The following GALNT13 variants were observed in gnomAD, a reference collection of about 807,000 sequenced individuals.
GALNT13 encodes UDP-GalNAc:polypeptide N-acetylgalactosaminyltransferase 13.
A neutral mutation model predicts 64.2 loss-of-function variants in GALNT13; 28 were observed. The ratio of observed to expected loss-of-function variants is 0.44; its 90% CI spans 0.32 to 0.60. The LOEUF (loss-of-function observed/expected upper bound fraction) is 0.60, where lower values mean the gene tolerates loss of function less well. GALNT13 is among the 20% of genes least tolerant of loss of function. The probability of loss-of-function intolerance (pLI) is 0.05; values close to 1 mark genes in which losing one functional copy is unlikely to be tolerated. For synonymous variants in GALNT13, 214 were observed against 224.6 expected, an observed-to-expected ratio of 0.95 and a Z score of 0.42; for missense variants, 577 against 669.8, an observed-to-expected ratio of 0.86 and a Z score of 1.53.
the GALNT13 span, among the ~76,000 whole-genome samples, chr2:153,270,627 G>A: frequency 7.2e-5 from 11 of 152,254 alleles, no homozygotes; most frequent in East Asian, 1.9e-3. Flanking sequence ...ATGTGAGGCC[G>A]AGGTGGGCAG....
At chr2:154,211,065 A>C (rs1687731672) in intron 4 of GALNT13, among the ~76,000 whole-genome samples, 1 of 152,190 alleles carries the variant, frequency 6.6e-6, no homozygotes, top group African/African-American at 2.4e-5. Context: ...AATAGTTCAG[A>C]GTAGAAACTA....
At chr2:153,635,290 T>C in the GALNT13 span, among the ~76,000 whole-genome samples, 1 of 151,658 alleles carries the variant, frequency 6.6e-6, no homozygotes, top group East Asian at 1.9e-4. Flanking sequence ...CTTTCCACAA[T>C]GCATTTTCTT....
chr2:153,834,607 T>C, the GALNT13 span, among the ~76,000 whole-genome samples: 12 of 152,142 alleles, frequency 7.9e-5, no homozygotes, highest in African/African-American at 2.9e-4. Flanking sequence ...TGGGAGTTAA[T>C]ACAATTTTTT....
At chr2:153,643,257 CTG>C in the GALNT13 span, among the ~76,000 whole-genome samples, 4 of 151,286 alleles carry the variant, frequency 2.6e-5, no homozygotes, top group East Asian at 3.9e-4. Context: ...TTTCTAGTAA[CTG>C]TGATGTACAA....
chr2:154,043,673 A>G lies in GALNT13; in HGVS notation c.143-96664A>G, dbSNP rs190862286. On this transcript the variant is annotated intron_variant, in intron 3 of 12. Transcript: ENST00000392825. ...TATAATTAAGTCAAAATATTCATTG[A>G]ATGTCTGACTTGCATAGGAAGAGAC... 7.2e-5 allele frequency among the ~76,000 whole-genome samples: 11 copies of G among 152,148 alleles called. No individual in the cohort carries two copies. In the East Asian group the frequency reaches 2.1e-3, roughly 30 times the overall value.
the GALNT13 span, among the ~76,000 whole-genome samples, chr2:153,173,833 T>A: frequency 6.6e-6 from 1 of 152,166 alleles, no homozygotes; most frequent in Admixed American, 6.5e-5. Context: ...TGAGACGCAA[T>A]ATTATTTATC....
the GALNT13 span, among the ~76,000 whole-genome samples, chr2:153,358,822 G>A: frequency 1.3e-5 from 2 of 151,844 alleles, no homozygotes; most frequent in Non-Finnish European, 2.9e-5. Flanking sequence ...CACTCCTCCC[G>A]ATTTTCCCCT....
At chr2:153,624,654 A>G in the GALNT13 span, among the ~76,000 whole-genome samples, 2 of 152,064 alleles carry the variant, frequency 1.3e-5, no homozygotes, top group South Asian at 2.1e-4. Flanking sequence ...TTTTGAGACA[A>G]TTTACTGAGC....
At chr2:153,496,492 A>G in the GALNT13 span, among the ~76,000 whole-genome samples, 1 of 152,240 alleles carries the variant, frequency 6.6e-6, no homozygotes, top group East Asian at 1.9e-4. Context: ...AAATCAAACT[A>G]AAAAATATCC....
chr2:153,898,732 A>G (rs1688037288), intron 1 of GALNT13, among the ~76,000 whole-genome samples: 1 of 152,056 alleles, frequency 6.6e-6, no homozygotes, highest in African/African-American at 2.4e-5. Context: ...TTGAAATAAG[A>G]TAACCAATCA....
At chr2:154,299,336 A>G (rs2105088388) in intron 8 of GALNT13, among the ~76,000 whole-genome samples, 1 of 152,148 alleles carries the variant, frequency 6.6e-6, no homozygotes, top group Admixed American at 6.5e-5. Context: ...TATCTGTGAT[A>G]GGATAGCGAT....
chr2:153,488,399 C>T, the GALNT13 span, among the ~76,000 whole-genome samples: 14 of 152,172 alleles, frequency 9.2e-5, no homozygotes, highest in Non-Finnish European at 1.8e-4. Context: ...TCCTCAGCCA[C>T]CTAGAGCTAT....
At chr2:153,753,670 A>G in the GALNT13 span, among the ~76,000 whole-genome samples, 22 of 152,220 alleles carry the variant, frequency 1.4e-4, no homozygotes, top group East Asian at 2.1e-3. Flanking sequence ...GCCATTACCA[A>G]TAGGACTGGG....
At chr2:154,254,048 G>C (rs1690233891) in intron 7 of GALNT13, among the ~76,000 whole-genome samples, 1 of 152,254 alleles carries the variant, frequency 6.6e-6, no homozygotes, top group Admixed American at 6.5e-5. Context: ...GGGAGCAGGG[G>C]GACGGGGCAG....
At chr2:153,282,635 C>T in the GALNT13 span, among the ~76,000 whole-genome samples, 1 of 152,088 alleles carries the variant, frequency 6.6e-6, no homozygotes. Context: ...AGGCTGGTCT[C>T]AAACTCCTGG....
intron 8 of GALNT13, among the ~76,000 whole-genome samples, chr2:154,260,052 G>T (rs10188103): frequency 1 from 151,223 of 151,968 alleles, 75,244 homozygotes; most frequent in Middle Eastern, 1. Context: ...CTAGCTATTT[G>T]TTTTTCTATT....
intron 2 of GALNT13, among the ~76,000 whole-genome samples, chr2:153,918,416 G>A (rs1352677600): frequency 1.3e-5 from 2 of 152,068 alleles, no homozygotes; most frequent in Non-Finnish European, 2.9e-5. Flanking sequence ...TTCTAGAGCG[G>A]TATCTTCCAT....
chr2:153,536,984 A>G, the GALNT13 span, among the ~76,000 whole-genome samples: 6 of 152,228 alleles, frequency 3.9e-5, no homozygotes, highest in Non-Finnish European at 8.8e-5. Context: ...AGCTAACTAC[A>G]TCTTACTGGG....
At chr2:153,665,793 G>A in the GALNT13 span, among the ~76,000 whole-genome samples, 8 of 152,142 alleles carry the variant, frequency 5.3e-5, no homozygotes, top group South Asian at 8.3e-4. Flanking sequence ...AATCCTAGCC[G>A]CAGGAGATCC....
Sources: allele counts gnomAD v4.1 joint callset (sites outside exome capture counted in the v4.1 genomes callset), GRCh38; gene constraint gnomAD v4.1.1; transcripts MANE v1.5; gene names NCBI Gene and HGNC (gene_info 2026-07-23, HGNC 2026-07-21).